The following TAFA5 variants were observed in gnomAD, a reference collection of about 807,000 sequenced individuals.
TAFA5 encodes the protein chemokine-like protein TAFA-5.
In TAFA5, 6 loss-of-function variants were observed where a neutral mutation model predicts 15.3. That is an observed-to-expected ratio of 0.39 (90% confidence interval 0.21 to 0.77). TAFA5 has a LOEUF of 0.77. Ranked by LOEUF, TAFA5 falls within the 30% of genes least tolerant of loss-of-function variation. The probability of loss-of-function intolerance (pLI) is 0.41; values close to 1 mark genes in which losing one functional copy is unlikely to be tolerated. For missense variants in TAFA5, 161 were observed against 193.1 expected (o/e 0.83, Z 0.98); for synonymous variants, 103 against 80.7 (o/e 1.28, Z -1.48).
rs376013672 is a variant in TAFA5, at chr22:48,683,720, C to G, written c.263-23997C>G. On this transcript the variant is annotated intron_variant, in intron 2 of 3. Transcript: ENST00000402357. ...ACTTGTCATTGGCAATACGGTTTGG[C>G]TCTGTGTTCACACCCAAATCTCATG... Among the ~76,000 whole-genome samples the G allele has an allele frequency of 1.4e-4, 21 of 152,354 alleles. No individual in the cohort carries two copies. In the East Asian group the frequency reaches 3.9e-3, roughly 28 times the overall value.
chr22:48,684,280 G>C (rs1928286701), intron 2 of TAFA5, among the ~76,000 whole-genome samples: 1 of 152,070 alleles, frequency 6.6e-6, no homozygotes, highest in Non-Finnish European at 1.5e-5. Flanking sequence ...ATCTTTGGAG[G>C]CTTTGTGGGG....
chr22:48,656,437 C>T (rs560264606), intron 2 of TAFA5, among the ~76,000 whole-genome samples: 14 of 151,424 alleles, frequency 9.2e-5, no homozygotes, highest in African/African-American at 2.9e-4. Flanking sequence ...ACCCGGGAGG[C>T]GGAGGTTGCA....
At chr22:48,670,214 G>T (rs531645626) in intron 2 of TAFA5, among the ~76,000 whole-genome samples, 1 of 152,238 alleles carries the variant, frequency 6.6e-6, no homozygotes, top group African/African-American at 2.4e-5. Flanking sequence ...GGCCCTGTGC[G>T]CCTTGGGAGT....
At chr22:48,735,433 C>T (rs1003814545) in intron 3 of TAFA5, among the ~76,000 whole-genome samples, 2 of 152,240 alleles carry the variant, frequency 1.3e-5, no homozygotes, top group African/African-American at 4.8e-5. Flanking sequence ...TCCCAAAATA[C>T]GAAATGGAAG....
intron 1 of TAFA5, among the ~76,000 whole-genome samples, chr22:48,504,258 C>T (rs755337147): frequency 1.3e-5 from 2 of 152,168 alleles, no homozygotes; most frequent in African/African-American, 2.4e-5. Context: ...TTTGTTCTCC[C>T]AGCACTTTAT....
chr22:48,677,248 C>T (rs1414146184), intron 2 of TAFA5, among the ~76,000 whole-genome samples: 1 of 152,248 alleles, frequency 6.6e-6, no homozygotes, highest in Admixed American at 6.5e-5. Context: ...GCAGGATCTG[C>T]TCGTGGCTCC....
intron 1 of TAFA5, among the ~76,000 whole-genome samples, chr22:48,569,688 C>G (rs1923518632): frequency 6.6e-6 from 1 of 152,236 alleles, no homozygotes; most frequent in Non-Finnish European, 1.5e-5. Flanking sequence ...CCGGGCTCGT[C>G]AAGTGGTCAT....
At chr22:48,690,625 C>T (rs1569080751) in intron 2 of TAFA5, among the ~76,000 whole-genome samples, 1 of 152,154 alleles carries the variant, frequency 6.6e-6, no homozygotes. Flanking sequence ...ACCCTTTAAA[C>T]CTCATCTCTT....
At chr22:48,703,089 A>G (rs1225886665) in intron 2 of TAFA5, among the ~76,000 whole-genome samples, 2 of 150,118 alleles carry the variant, frequency 1.3e-5, no homozygotes, top group Non-Finnish European at 3.0e-5. Context: ...ACGTGTGTGC[A>G]TGTGTGCGTG....
At chr22:48,503,051 T>C (rs1920962109) in intron 1 of TAFA5, among the ~76,000 whole-genome samples, 3 of 152,204 alleles carry the variant, frequency 2.0e-5, no homozygotes, top group Admixed American at 1.3e-4. Context: ...TCCCATGCTC[T>C]TCCATGCAGT....
chr22:48,633,352 G>A (rs958902726), intron 1 of TAFA5, among the ~76,000 whole-genome samples: 2 of 152,192 alleles, frequency 1.3e-5, no homozygotes, highest in Admixed American at 6.5e-5. Flanking sequence ...TGGAGAGAGG[G>A]GGCCAGCGGG....
intron 1 of TAFA5, among the ~76,000 whole-genome samples, chr22:48,536,021 C>A (rs557587843): frequency 7.2e-5 from 11 of 152,366 alleles, no homozygotes; most frequent in Admixed American, 2.0e-4. Context: ...ACACCCCCCC[C>A]AGGAGTGCCC....
chr22:48,712,462 A>G (rs1569090383), intron 3 of TAFA5, among the ~76,000 whole-genome samples: 2 of 152,256 alleles, frequency 1.3e-5, no homozygotes, highest in African/African-American at 4.8e-5. Flanking sequence ...ATAGAGTGAA[A>G]ATGTGAGAGA....
At chr22:48,587,784 C>T (rs1924414876) in intron 1 of TAFA5, among the ~76,000 whole-genome samples, 1 of 152,254 alleles carries the variant, frequency 6.6e-6, no homozygotes, top group African/African-American at 2.4e-5. Context: ...TCTGCCCTTG[C>T]CTTTTCTTCT....
At chr22:48,725,036 ACT>A (rs1378556194) in intron 3 of TAFA5, among the ~76,000 whole-genome samples, 1 of 152,208 alleles carries the variant, frequency 6.6e-6, no homozygotes, top group Non-Finnish European at 1.5e-5. Context: ...GGAGCAGAAA[ACT>A]CTGCAGCTTA....
At chr22:48,526,427 G>A (rs962557192) in intron 1 of TAFA5, among the ~76,000 whole-genome samples, 7 of 152,170 alleles carry the variant, frequency 4.6e-5, no homozygotes, top group Non-Finnish European at 7.4e-5. Flanking sequence ...AGGAGCTGTC[G>A]CCCCAGACAC....
chr22:48,685,178 C>A (rs1928315892), intron 2 of TAFA5, among the ~76,000 whole-genome samples: 1 of 152,172 alleles, frequency 6.6e-6, no homozygotes, highest in Admixed American at 6.5e-5. Context: ...AAGAGTTAAG[C>A]TTTGTCTAAA....
intron 2 of TAFA5, among the ~76,000 whole-genome samples, chr22:48,694,327 C>T (rs1928633835): frequency 6.6e-6 from 1 of 152,198 alleles, no homozygotes; most frequent in Non-Finnish European, 1.5e-5. Flanking sequence ...CATTAATACA[C>T]ACAAATACGT....
intron 1 of TAFA5, among the ~76,000 whole-genome samples, chr22:48,505,548 AG>A (rs1200213967): frequency 2.6e-5 from 4 of 152,166 alleles, no homozygotes; most frequent in South Asian, 2.1e-4. Context: ...TACTGCCCCA[AG>A]GGGGGCTGTG....
Sources: gnomAD v4.1 joint callset for allele counts (sites outside exome capture counted in the v4.1 genomes callset) on GRCh38, gnomAD v4.1.1 for gene constraint, MANE v1.5 for transcripts, NCBI Gene and HGNC (gene_info 2026-07-23, HGNC 2026-07-21) for gene names.